TRIP11: variants seen among roughly 807,000 people sequenced by gnomAD.
TRIP11 encodes thyroid receptor-interacting protein 11.
TRIP11 carries 148 observed loss-of-function variants against 223.1 expected under a neutral mutation model. The ratio of observed to expected loss-of-function variants is 0.66; its 90% CI spans 0.58 to 0.76. The LOEUF (loss-of-function observed/expected upper bound fraction) is 0.76, where lower values mean the gene tolerates loss of function less well. TRIP11 is among the 30% of genes least tolerant of loss of function. TRIP11 has a pLI of 0.00. For synonymous variants in TRIP11, 762 were observed against 772.6 expected (o/e 0.99, Z 0.23); for missense variants, 2,043 against 2,222.0 (o/e 0.92, Z 1.62).
intron 10 of TRIP11, 94 bp from the exon 11 acceptor site, chr14:92,006,542 T>A: frequency 7.8e-7 from 1 of 1,289,972 alleles, no homozygotes; most frequent in Non-Finnish European, 1.1e-6. Context: ...TAGAAAATAA[T>A]CCTCAAATAT....
intron 15 of TRIP11, among the ~76,000 whole-genome samples, 177 bp from the exon 16 acceptor site, chr14:91,988,560 T>C (rs761117578): frequency 7.1e-6 from 1 of 140,392 alleles, no homozygotes. Context: ...TTCTTTTCAA[T>C]ACAATACTGC....
At chr14:92,014,718 T>C in intron 6 of TRIP11, 141 bp from the exon 7 acceptor site, 1 of 869,256 alleles carries the variant, frequency 1.2e-6, no homozygotes. Context: ...CTAAGTGTTT[T>C]AAAATAAATA....
chr14:92,036,694 T>TA (rs1252912751), intron 1 of TRIP11, among the ~76,000 whole-genome samples: 1 of 152,200 alleles, frequency 6.6e-6, no homozygotes, highest in South Asian at 2.1e-4. Context: ...TAAACACTAA[T>TA]AAATACTTGT....
intron 11 of TRIP11, among the ~76,000 whole-genome samples, chr14:92,000,864 C>CTT (rs528664948): frequency 1.8e-4 from 25 of 141,662 alleles, no homozygotes; most frequent in South Asian, 4.5e-4. Flanking sequence ...CTTTTTTTTT[C>CTT]TTTTTTTTTT....
At position 92,000,150 on chromosome 14, in the gene TRIP11, C is replaced by T. The variant is rs757958136; in HGVS notation, c.4558-42G>A. ...ATTTTAGCTTTAAAAAACACACACA[C>T]ACACATATTTTAAAAGAGACATTTT... On this transcript the variant is annotated intron_variant, in intron 11 of 20. Coordinates refer to ENST00000267622, the MANE Select transcript of TRIP11 (RefSeq NM_004239.4). 32 of 1,613,004 alleles carry T rather than the reference C, an allele frequency of 2.0e-5. No homozygotes were observed. In the African/African-American group the frequency reaches 3.7e-4, roughly 19 times the overall value.
intron 3 of TRIP11, among the ~76,000 whole-genome samples, chr14:92,024,851 T>A (rs1031526388): frequency 6.6e-6 from 1 of 152,276 alleles, no homozygotes; most frequent in South Asian, 2.1e-4. Context: ...CTACCAGCAC[T>A]GTAAAGCAAA....
At chr14:91,983,482 T>C (rs1379406009) in intron 16 of TRIP11, among the ~76,000 whole-genome samples, 1 of 152,244 alleles carries the variant, frequency 6.6e-6, no homozygotes, top group Non-Finnish European at 1.5e-5. Flanking sequence ...CAAAACATTC[T>C]TATTGCTATA....
chr14:91,984,742 A>G (rs1450381029), intron 16 of TRIP11, among the ~76,000 whole-genome samples: 1 of 152,208 alleles, frequency 6.6e-6, no homozygotes, highest in Non-Finnish European at 1.5e-5. Flanking sequence ...TCACAGGTGT[A>G]TAATTTCTCA....
intron 4 of TRIP11, among the ~76,000 whole-genome samples, chr14:92,018,957 T>A (rs2057073416): frequency 4.0e-5 from 3 of 74,680 alleles, no homozygotes; most frequent in African/African-American, 1.2e-4. Flanking sequence ...CAAGACTCCA[T>A]CTCAAAAAAA....
chr14:92,009,588 T>C (rs1383726340), intron 9 of TRIP11, among the ~76,000 whole-genome samples: 2 of 144,968 alleles, frequency 1.4e-5, no homozygotes, highest in Non-Finnish European at 2.9e-5. Flanking sequence ...ATATATAATA[T>C]AGTAATTTTT....
intron 2 of TRIP11, among the ~76,000 whole-genome samples, chr14:92,032,689 T>G (rs1194631868): frequency 2.0e-5 from 3 of 151,814 alleles, no homozygotes; most frequent in African/African-American, 4.8e-5. Flanking sequence ...AAAAATTAGC[T>G]GGGTGTGGTA....
intron 18 of TRIP11, 47 bp downstream of exon 18, chr14:91,975,125 C>G (rs766903838): frequency 6.6e-7 from 1 of 1,504,810 alleles, no homozygotes; most frequent in Non-Finnish European, 9.2e-7. Flanking sequence ...TACAAAGCCA[C>G]TATCTGGATT....
rs760872000 is a variant in TRIP11, at chr14:92,033,186, T to C, written c.201+6A>G. The C allele has an allele frequency of 3.1e-6, 5 of 1,612,118 alleles. No homozygotes were observed. The highest frequency in any genetic ancestry group is 3.3e-4 in the Middle Eastern group (2 of 6,036). Reference sequence around the variant, plus strand: ...AAAAATCTAAGTAGTCTTTGATTTTTCTTACCTCTGATCTCAAGATTGCAT... The same window carrying C: ...AAAAATCTAAGTAGTCTTTGATTTTCCTTACCTCTGATCTCAAGATTGCAT... On this transcript the variant is annotated splice_donor_region_variant and intron_variant, in intron 2 of 20. Coordinates refer to ENST00000267622, the MANE Select transcript of TRIP11 (RefSeq NM_004239.4).
chr14:91,979,991 AAAG>A (rs61526430), intron 16 of TRIP11, among the ~76,000 whole-genome samples: 4,426 of 152,046 alleles, frequency 0.029, 203 homozygotes, highest in African/African-American at 0.092. Context: ...AAAAAAAAAA[AAAG>A]GTGGAGGGGG....
chr14:91,994,356 C>A (rs1414543245), intron 14 of TRIP11, among the ~76,000 whole-genome samples: 1 of 151,010 alleles, frequency 6.6e-6, no homozygotes, highest in African/African-American at 2.4e-5. Flanking sequence ...CCTCCTCCTC[C>A]AGGGTTCAAG....
At chr14:92,038,336 C>T (rs995584109) in intron 1 of TRIP11, among the ~76,000 whole-genome samples, 5 of 152,126 alleles carry the variant, frequency 3.3e-5, no homozygotes, top group African/African-American at 1.2e-4. Flanking sequence ...AGCGACCAGT[C>T]ATTTCCCATA....
rs908525171 is a variant in TRIP11, at chr14:92,037,425, T to C, written c.139+2122A>G. 1.3e-5 allele frequency among the ~76,000 whole-genome samples: 2 copies of C among 152,216 alleles called. No individual in the cohort carries two copies. Among genetic ancestry groups the C allele is most frequent in the African/African-American group, 4.8e-5 (2 of 41,462 alleles). On this transcript the variant is annotated intron_variant, in intron 1 of 20. Coordinates refer to ENST00000267622, the MANE Select transcript of TRIP11 (RefSeq NM_004239.4). The surrounding 1 kb of genome is among the most constrained non-coding windows in gnomAD (Gnocchi z 4.2). ...GAGCAGGGTTGTACAGGAGAATTGT[T>C]TTCTGGGTGAAGGAGGAAATAGAGA...
intron 19 of TRIP11, among the ~76,000 whole-genome samples, chr14:91,974,275 C>T (rs898657422): frequency 6.6e-6 from 1 of 152,198 alleles, no homozygotes; most frequent in Non-Finnish European, 1.5e-5. Flanking sequence ...TAAGTATTCA[C>T]TGGCTCAACG....
intron 5 of TRIP11, among the ~76,000 whole-genome samples, chr14:92,016,378 G>A (rs986725461): frequency 6.6e-6 from 1 of 152,150 alleles, no homozygotes; most frequent in Non-Finnish European, 1.5e-5. Context: ...AGGGAAACTG[G>A]TTTGACGGGA....
Sources: allele counts gnomAD v4.1 joint callset (sites outside exome capture counted in the v4.1 genomes callset), GRCh38; gene constraint gnomAD v4.1.1; non-coding constraint Gnocchi (gnomAD v3.1); transcripts MANE v1.5; gene names NCBI Gene and HGNC (gene_info 2026-07-23, HGNC 2026-07-21).